MYCBP: variants seen among roughly 807,000 people sequenced by gnomAD.
MYCBP encodes the protein C-Myc-binding protein.
Under a neutral mutation model 16.8 loss-of-function variants are expected in MYCBP, and 5 were observed. That is an observed-to-expected ratio of 0.30 (90% CI 0.16 to 0.63). MYCBP has a LOEUF of 0.63. MYCBP is among the 20% of genes least tolerant of loss of function. MYCBP has a pLI of 0.83. For missense variants in MYCBP, 103 were observed against 121.8 expected, an observed-to-expected ratio of 0.85 and a Z score of 0.73; for synonymous variants, 35 against 43.7, an observed-to-expected ratio of 0.80 and a Z score of 0.79.
rs759459510 is a variant in MYCBP at position 38,864,592 on chromosome 1, C to G, written c.*78G>C. 2.0e-5 allele frequency: 28 copies of G among 1,420,534 alleles called. No individual in the cohort carries two copies. Among genetic ancestry groups the G allele is most frequent in the African/African-American group, 5.7e-5 (4 of 70,480 alleles). 88.0% of individuals were successfully genotyped at this position (1,420,534 alleles called of 1,614,324 possible). A position where few individuals can be genotyped will look rare whatever the true frequency, so the allele number is the denominator to read the frequency against. Reference sequence around the variant, plus strand: ...TTAAAAGAGTTCTATAGCATCTGTTCAGAAAAGATTATATACTATACAAAC... The same window carrying G: ...TTAAAAGAGTTCTATAGCATCTGTTGAGAAAAGATTATATACTATACAAAC... On this transcript the variant is annotated 3_prime_UTR_variant, in exon 5 of 5. Transcript: ENST00000397572.
In MYCBP at chr1:38,868,715, C is replaced by T. The variant is rs528059508; in HGVS notation, c.89-1105G>A. Among the ~76,000 whole-genome samples, 5 of 152,254 alleles carry T rather than the reference C, an allele frequency of 3.3e-5. No individual in the cohort carries two copies. The East Asian group carries it at 5.8e-4, about 18-fold the overall frequency. The stretch of plus-strand genomic sequence containing the variant: ...AGTCAGGAGATCAAGACCATCCTGG[C>T]TAACACAGTGAAACCCCGTCTCTAC... On this transcript the variant is annotated intron_variant, in intron 2 of 4. Transcript: ENST00000397572.
In MYCBP at chr1:38,864,532, G is replaced by C. The variant is rs991375743; in HGVS notation, c.*138C>G. ...TGAGTTTTTATTGATGATTCTATGT[G>C]TTTTTAACAGAGTGTGATAGGTGAA... On this transcript the variant is annotated 3_prime_UTR_variant, in exon 5 of 5. Transcript: ENST00000397572. 3.6e-5 allele frequency: 32 copies of C among 882,170 alleles called. No individual in the cohort carries two copies. The highest frequency in any genetic ancestry group is 5.4e-5 in the Non-Finnish European group (30 of 552,728). 54.6% of individuals were successfully genotyped at this position (882,170 alleles called of 1,614,324 possible). A position where few individuals can be genotyped will look rare whatever the true frequency, so the allele number is the denominator to read the frequency against.
At position 38,864,115 on chromosome 1, in the gene MYCBP, C is replaced by CA. The variant is rs1208972522; in HGVS notation, c.*554dup. 2.6e-5 allele frequency: 4 copies of CA among 153,276 alleles called. No homozygotes were observed. Among genetic ancestry groups the CA allele is most frequent in the Admixed American group, 2.6e-4 (4 of 15,332 alleles). The allele number at this position is 153,276 out of a possible 1,614,324, so 9.5% of individuals were successfully genotyped here. ...ATTGCATAGAAGGAAAATGTGGTGT[C>CA]AGAGTTCAAACTGGCACACACACAC... On this transcript the variant is annotated 3_prime_UTR_variant, in exon 5 of 5. Coordinates refer to ENST00000397572, the MANE Select transcript of MYCBP (RefSeq NM_012333.5).
chr1:38,865,290 A>C (rs1367716338), intron 4 of MYCBP, among the ~76,000 whole-genome samples: 3 of 152,230 alleles, frequency 2.0e-5, no homozygotes, highest in East Asian at 1.9e-4. Flanking sequence ...TGGAGTTGAG[A>C]AGCTTATTAG....
At chr1:38,873,114 G>A in intron 1 of MYCBP, 24 bp from the exon 2 acceptor site, 2 of 1,555,690 alleles carry the variant, frequency 1.3e-6, no homozygotes, top group Non-Finnish European at 1.7e-6. Context: ...GGGGGTCAGT[G>A]GCCAGAGCCC....
upstream of MYCBP, chr1:38,873,376 C>A: frequency 2.6e-6 from 4 of 1,555,840 alleles, no homozygotes; most frequent in Non-Finnish European, 3.5e-6. Flanking sequence ...ACTGCTCATG[C>A]GCGGAAGGGG....
intron 2 of MYCBP, among the ~76,000 whole-genome samples, chr1:38,868,938 AAC>A (rs1019396533): frequency 8.5e-5 from 13 of 152,064 alleles, no homozygotes; most frequent in African/African-American, 1.2e-4. Context: ...CAAACAAAAA[AAC>A]AGTGATAGAT....
rs904473300 is a variant in MYCBP at position 38,872,741 on chromosome 1, T to C, written c.88+277A>G. On this transcript the variant is annotated intron_variant, in intron 2 of 4. Transcript: ENST00000397572. ...GAAGGTCCTTGGCAAACATGTCCACTGCGGCTGCTGGAGGCAAAGCAACGG... is the reference window on the plus strand; with the variant it reads ...GAAGGTCCTTGGCAAACATGTCCACCGCGGCTGCTGGAGGCAAAGCAACGG... 7 of 495,618 alleles carry C rather than the reference T, an allele frequency of 1.4e-5. No homozygotes were observed. In the East Asian group the frequency reaches 1.8e-4, roughly 12 times the overall value. The allele number at this position is 495,618 out of a possible 1,614,324, so 30.7% of individuals were successfully genotyped here. A position where few individuals can be genotyped will look rare whatever the true frequency, so the allele number is the denominator to read the frequency against.
chr1:38,864,334 C>A lies in MYCBP; in HGVS notation c.*336G>T. On this transcript the variant is annotated 3_prime_UTR_variant, in exon 5 of 5. Coordinates refer to ENST00000397572, the MANE Select transcript of MYCBP (RefSeq NM_012333.5). ...CCTGTGTTCATATCCTGAACTGCAC[C>A]AAGGAATAGCTCCATGCTAAACTGT... 3.0e-6 allele frequency: 1 copy of A among 332,728 alleles called. No individual in the cohort carries two copies. The highest frequency in any genetic ancestry group is 5.7e-6 in the Non-Finnish European group (1 of 174,924). The allele number at this position is 332,728 out of a possible 1,614,324, so 20.6% of individuals were successfully genotyped here. A position where few individuals can be genotyped will look rare whatever the true frequency, so the allele number is the denominator to read the frequency against.
At chr1:38,868,700 T>C (rs1642390474) in intron 2 of MYCBP, among the ~76,000 whole-genome samples, 1 of 151,956 alleles carries the variant, frequency 6.6e-6, no homozygotes, top group African/African-American at 2.4e-5. Context: ...AGTCAGGAGA[T>C]CAAGACCATC....
In MYCBP at chr1:38,868,831, A is replaced by G. The variant is rs1047996777; in HGVS notation, c.89-1221T>C. 4.6e-5 allele frequency among the ~76,000 whole-genome samples: 7 copies of G among 151,966 alleles called. No homozygotes were observed. In the East Asian group the frequency reaches 5.8e-4, roughly 13 times the overall value. On this transcript the variant is annotated intron_variant, in intron 2 of 4. Transcript: ENST00000397572. Reference sequence around the variant, plus strand: ...TGAGGCAGGAGAATGGCGTCAACCCAGGAGGCGGAGCTTGCAGTGAGCCGA... The same window carrying G: ...TGAGGCAGGAGAATGGCGTCAACCCGGGAGGCGGAGCTTGCAGTGAGCCGA...
At position 38,863,388 on chromosome 1, in the gene MYCBP, A is replaced by G. The variant is rs1350430571; in HGVS notation, c.*1282T>C. ...CTAACAACAGGGAGAGAATATATGAAATAGGAATATGTCTATAAAACGACA... is the reference window on the plus strand; with the variant it reads ...CTAACAACAGGGAGAGAATATATGAGATAGGAATATGTCTATAAAACGACA... On this transcript the variant is annotated 3_prime_UTR_variant, in exon 5 of 5. Transcript: ENST00000397572. The G allele has an allele frequency of 6.6e-6, 1 of 152,254 alleles. No individual in the cohort carries two copies. Among genetic ancestry groups the G allele is most frequent in the African/African-American group, 2.4e-5 (1 of 41,458 alleles). The allele number at this position is 152,254 out of a possible 1,614,324, so 9.4% of individuals were successfully genotyped here.
chr1:38,872,808 C>T (rs1642493688), intron 2 of MYCBP, among the ~76,000 whole-genome samples: 1 of 152,384 alleles, frequency 6.6e-6, no homozygotes, highest in Non-Finnish European at 1.5e-5. Context: ...GTTTCACTCC[C>T]GGTGCGGAGA....
chr1:38,864,705 A>G lies in MYCBP; in HGVS notation c.277T>C (p.Tyr93His), dbSNP rs778682741. 10 of 1,613,938 alleles carry G rather than the reference A, an allele frequency of 6.2e-6. No individual in the cohort carries two copies. In the South Asian group the frequency reaches 1.1e-4, roughly 18 times the overall value. ...CGCTTCTCCTCCTGAGGTGGTTCAT[A>G]CTGAGCAAGCTATGGGGCAAAGACA... ...NKKLKAKLAQ[Y>H]EPPQEEKRAE The change falls in exon 5 of 5, where the codon TAT becomes CAT. Residue 93 changes from tyrosine (Y) to histidine (H), a missense_variant. Tyr to His is a moderately conservative substitution (Grantham distance 83, BLOSUM62 2). Coordinates refer to ENST00000397572, the MANE Select transcript of MYCBP (RefSeq NM_012333.5).
rs574229176 is a variant in MYCBP at position 38,868,892 on chromosome 1, C to A, written c.89-1282G>T. On this transcript the variant is annotated intron_variant, in intron 2 of 4. Coordinates refer to ENST00000397572, the MANE Select transcript of MYCBP (RefSeq NM_012333.5). ...CTGCACTCCAGCCTGGGCGATGGAGCAAGACTCTGTCTCAAAAACAAAAAA... is the reference window on the plus strand; with the variant it reads ...CTGCACTCCAGCCTGGGCGATGGAGAAAGACTCTGTCTCAAAAACAAAAAA... Among the ~76,000 whole-genome samples, 30 of 152,060 alleles carry A rather than the reference C, an allele frequency of 2.0e-4. No individual in the cohort carries two copies. The South Asian group carries it at 3.5e-3, about 18-fold the overall frequency.
chr1:38,864,531 T>C lies in MYCBP; in HGVS notation c.*139A>G. 3 of 850,248 alleles carry C rather than the reference T, an allele frequency of 3.5e-6. No individual in the cohort carries two copies. The highest frequency in any genetic ancestry group is 3.1e-5 in the South Asian group (2 of 63,766). 52.7% of individuals were successfully genotyped at this position (850,248 alleles called of 1,614,324 possible). A position where few individuals can be genotyped will look rare whatever the true frequency, so the allele number is the denominator to read the frequency against. Reference sequence around the variant, plus strand: ...TTGAGTTTTTATTGATGATTCTATGTGTTTTTAACAGAGTGTGATAGGTGA... The same window carrying C: ...TTGAGTTTTTATTGATGATTCTATGCGTTTTTAACAGAGTGTGATAGGTGA... On this transcript the variant is annotated 3_prime_UTR_variant, in exon 5 of 5. Transcript: ENST00000397572.
Position 38,871,355 on chromosome 1 carries a change from C to G in MYCBP, c.88+1663G>C, listed in dbSNP as rs149793849. Among the ~76,000 whole-genome samples, 24 of 150,602 alleles carry G rather than the reference C, an allele frequency of 1.6e-4. 1 individual carries two copies. The East Asian group carries it at 4.5e-3, about 28-fold the overall frequency. On this transcript the variant is annotated intron_variant, in intron 2 of 4. Transcript: ENST00000397572. Reference sequence around the variant, plus strand: ...ACTCTGTTTCTTTCAGGTTTCTGGTCAAAAATTACTTCTTAAGAAAGGCCT... The same window carrying G: ...ACTCTGTTTCTTTCAGGTTTCTGGTGAAAAATTACTTCTTAAGAAAGGCCT...
intron 4 of MYCBP, among the ~76,000 whole-genome samples, chr1:38,866,043 TC>T (rs1277352853): frequency 3.3e-5 from 3 of 90,924 alleles, no homozygotes; most frequent in Non-Finnish European, 6.7e-5. Context: ...CCTAAGAACC[TC>T]TTTTTTTTTT....
rs1279422519 is a variant in MYCBP at position 38,864,653 on chromosome 1, T to G, written c.*17A>C. The G allele has an allele frequency of 2.5e-6, 4 of 1,613,632 alleles. No individual in the cohort carries two copies. The South Asian group carries it at 3.3e-5, about 13-fold the overall frequency. ...ATACAAAACCATTTTTCATTGTCTT[T>G]CAAACTGAGAAGAATCCTATTCAGC... On this transcript the variant is annotated 3_prime_UTR_variant, in exon 5 of 5. Coordinates refer to ENST00000397572, the MANE Select transcript of MYCBP (RefSeq NM_012333.5).
Sources: gnomAD v4.1 joint callset for allele counts (sites outside exome capture counted in the v4.1 genomes callset) on GRCh38, gnomAD v4.1.1 for gene constraint, MANE v1.5 for transcripts, NCBI Gene and HGNC (gene_info 2026-07-23, HGNC 2026-07-21) for gene names.